IPMK: variants seen among roughly 807,000 people sequenced by gnomAD.
IPMK encodes inositol polyphosphate multikinase, also known as inositol 1,3,4,6-tetrakisphosphate 5-kinase.
Under a neutral mutation model 45.8 loss-of-function variants are expected in IPMK, and 17 were observed. The ratio of observed to expected loss-of-function variants is 0.37; its 90% confidence interval spans 0.25 to 0.56. The LOEUF (loss-of-function observed/expected upper bound fraction) is 0.56. Among genes scored for constraint, IPMK ranks in the 20% least tolerant of loss-of-function variants. The pLI is 0.79. For synonymous variants in IPMK, 180 were observed against 184.3 expected, an observed-to-expected ratio of 0.98 and a Z score of 0.19; for missense variants, 399 against 498.0, an observed-to-expected ratio of 0.80 and a Z score of 1.89.
At chr10:58,228,565 G>A (rs755552819) in intron 2 of IPMK, among the ~76,000 whole-genome samples, 13 of 152,096 alleles carry the variant, frequency 8.5e-5, no homozygotes, top group African/African-American at 1.4e-4. Flanking sequence ...ACGGAGTCTC[G>A]CTCTGTCACC....
rs540796627 is a variant in IPMK, at chr10:58,245,063, A to G, written c.191-7249T>C. Among the ~76,000 whole-genome samples the G allele has an allele frequency of 2.9e-3, 371 of 126,498 alleles. 2 individuals are homozygous for G. Among genetic ancestry groups the G allele is most frequent in the Non-Finnish European group, 4.3e-3 (273 of 63,488 alleles). The allele number at this position is 126,498 out of a possible 152,430, so 83.0% of individuals were successfully genotyped here. A position where few individuals can be genotyped will look rare whatever the true frequency, so the allele number is the denominator to read the frequency against. ...TAAATACTAAAAAAAAAAAAATAAT[A>G]AAATAAACAAATTAAAATAAAAAAA... On this transcript the variant is annotated intron_variant, in intron 1 of 5. Coordinates refer to ENST00000373935, the MANE Select transcript of IPMK (RefSeq NM_152230.5).
At chr10:58,249,352 G>A (rs1279006056) in intron 1 of IPMK, among the ~76,000 whole-genome samples, 1 of 152,088 alleles carries the variant, frequency 6.6e-6, no homozygotes, top group African/African-American at 2.4e-5. Context: ...TCCCAGGGCT[G>A]GGATTATAAG....
At chr10:58,205,445 T>C (rs1838057179) in intron 4 of IPMK, among the ~76,000 whole-genome samples, 1 of 151,940 alleles carries the variant, frequency 6.6e-6, no homozygotes. Context: ...GAAAGGCAAA[T>C]CAAAACCACA....
intron 1 of IPMK, among the ~76,000 whole-genome samples, chr10:58,241,764 G>C (rs1274596598): frequency 1.3e-5 from 2 of 151,884 alleles, no homozygotes; most frequent in East Asian, 3.9e-4. Flanking sequence ...GTTGGTTCAA[G>C]ACTTAACCCT....
chr10:58,267,776 C>A lies in IPMK; in HGVS notation c.-165G>T. On this transcript the variant is annotated 5_prime_UTR_variant, in exon 1 of 6. Coordinates refer to ENST00000373935, the MANE Select transcript of IPMK (RefSeq NM_152230.5). ...GCGGGGAGGGGGCCCATGACGCCGC[C>A]GGGGCGCGGGCGCTCCTCTGCCCAA... 1 of 555,900 alleles carries A rather than the reference C, an allele frequency of 1.8e-6. No individual in the cohort carries two copies. Among genetic ancestry groups the A allele is most frequent in the Non-Finnish European group, 3.2e-6 (1 of 315,612 alleles). 34.4% of individuals were successfully genotyped at this position (555,900 alleles called of 1,614,324 possible).
intron 4 of IPMK, among the ~76,000 whole-genome samples, chr10:58,206,655 TG>T (rs371179663): frequency 1.3e-5 from 2 of 152,208 alleles, no homozygotes; most frequent in African/African-American, 4.8e-5. Context: ...CAATAGCTTT[TG>T]GGGAATAGGT....
chr10:58,260,129 C>T (rs1474011411), intron 1 of IPMK, among the ~76,000 whole-genome samples: 2 of 152,134 alleles, frequency 1.3e-5, no homozygotes, highest in African/African-American at 4.8e-5. Flanking sequence ...GAAGACATGA[C>T]ATAGTCATAT....
At chr10:58,225,144 C>T (rs1838393800) in intron 3 of IPMK, among the ~76,000 whole-genome samples, 1 of 152,126 alleles carries the variant, frequency 6.6e-6, no homozygotes, top group South Asian at 2.1e-4. Flanking sequence ...TTTTTCCTCT[C>T]TTCACTCAGC....
intron 1 of IPMK, among the ~76,000 whole-genome samples, chr10:58,244,670 T>C (rs1168519622): frequency 1.3e-5 from 2 of 152,142 alleles, no homozygotes; most frequent in African/African-American, 2.4e-5. Context: ...GAAGTAGACA[T>C]AGGAGACTCC....
rs1837842807 is a variant in IPMK, at chr10:58,193,310, C to T, written c.*2766G>A. 1.3e-5 allele frequency: 2 copies of T among 151,714 alleles called. No individual in the cohort carries two copies. Among genetic ancestry groups the T allele is most frequent in the Admixed American group, 1.3e-4 (2 of 15,234 alleles). The allele number at this position is 151,714 out of a possible 1,614,324, so 9.4% of individuals were successfully genotyped here. A position where few individuals can be genotyped will look rare whatever the true frequency, so the allele number is the denominator to read the frequency against. The stretch of plus-strand genomic sequence containing the variant: ...GTTCTTCAGTTAAACAGTTTAGAGC[C>T]CCATAAGAGCAAACTGTAGTGTAAA... On this transcript the variant is annotated 3_prime_UTR_variant, in exon 6 of 6. Coordinates refer to ENST00000373935, the MANE Select transcript of IPMK (RefSeq NM_152230.5).
At position 58,194,830 on chromosome 10, in the gene IPMK, T is replaced by G. The variant is rs1837868762; in HGVS notation, c.*1246A>C. ...TGAAGACTCAAAGTTTTAAATGTTT[T>G]AAATGACAAATAACTAGTTGATTTT... On this transcript the variant is annotated 3_prime_UTR_variant, in exon 6 of 6. Transcript: ENST00000373935. 5 of 151,974 alleles carry G rather than the reference T, an allele frequency of 3.3e-5. No homozygotes were observed. The highest frequency in any genetic ancestry group is 3.3e-4 in the Admixed American group (5 of 15,270). 9.4% of individuals were successfully genotyped at this position (151,974 alleles called of 1,614,324 possible). A position where few individuals can be genotyped will look rare whatever the true frequency, so the allele number is the denominator to read the frequency against.
chr10:58,238,537 G>A (rs1838649070), intron 1 of IPMK, among the ~76,000 whole-genome samples: 1 of 152,026 alleles, frequency 6.6e-6, no homozygotes, highest in African/African-American at 2.4e-5. Flanking sequence ...TGATGTGTTG[G>A]GATTTTATAA....
intron 1 of IPMK, among the ~76,000 whole-genome samples, chr10:58,249,664 G>A (rs1489868324): frequency 6.6e-6 from 1 of 152,182 alleles, no homozygotes; most frequent in Non-Finnish European, 1.5e-5. Context: ...TCACTCTGTT[G>A]ATTGTTTCCT....
intron 1 of IPMK, 109 bp downstream of exon 1, chr10:58,267,313 C>T: frequency 9.4e-7 from 1 of 1,059,154 alleles, no homozygotes; most frequent in South Asian, 1.4e-5. Context: ...ATTTGGCGTG[C>T]ACACCAGGGG....
intron 2 of IPMK, among the ~76,000 whole-genome samples, chr10:58,231,369 A>G (rs750617118): frequency 2.6e-5 from 4 of 152,318 alleles, no homozygotes; most frequent in East Asian, 1.9e-4. Flanking sequence ...CCCAAGACAC[A>G]TAATTGTCAG....
rs569149389 is a variant in IPMK, at chr10:58,193,673, T to A, written c.*2403A>T. The A allele has an allele frequency of 5.9e-5, 9 of 151,946 alleles. No homozygotes were observed. The highest frequency in any genetic ancestry group is 2.2e-4 in the African/African-American group (9 of 41,550). 9.4% of individuals were successfully genotyped at this position (151,946 alleles called of 1,614,324 possible). On this transcript the variant is annotated 3_prime_UTR_variant, in exon 6 of 6. Coordinates refer to ENST00000373935, the MANE Select transcript of IPMK (RefSeq NM_152230.5). ...AGAAATACACTAAAATCATTACTTA[T>A]GTTTCATAGGGGAAAAAAAACTATG...
At chr10:58,205,432 A>C (rs1838056887) in intron 4 of IPMK, among the ~76,000 whole-genome samples, 2 of 152,214 alleles carry the variant, frequency 1.3e-5, no homozygotes. Context: ...ATTAATCATT[A>C]GAGAAAGGCA....
chr10:58,197,545 G>C (rs1224332741), intron 5 of IPMK, among the ~76,000 whole-genome samples: 4 of 151,538 alleles, frequency 2.6e-5, no homozygotes, highest in African/African-American at 9.7e-5. Context: ...AGATACTCGG[G>C]AGGCTGAGGC....
At chr10:58,207,311 T>C (rs562521686) in intron 4 of IPMK, among the ~76,000 whole-genome samples, 4 of 152,360 alleles carry the variant, frequency 2.6e-5, no homozygotes, top group East Asian at 1.9e-4. Flanking sequence ...CATTCATTGG[T>C]TGACAGGCAT....
Sources: gnomAD v4.1 joint callset for allele counts (sites outside exome capture counted in the v4.1 genomes callset) on GRCh38, gnomAD v4.1.1 for gene constraint, MANE v1.5 for transcripts, NCBI Gene and HGNC (gene_info 2026-07-23, HGNC 2026-07-21) for gene names.